Variants in ANKRD10 observed in about 807,000 individuals in gnomAD.
ANKRD10 encodes the protein ankyrin repeat domain-containing protein 10.
A neutral mutation model predicts 27.0 loss-of-function variants in ANKRD10; 14 were observed. The observed-to-expected ratio is 0.52, with a 90% confidence interval of 0.34 to 0.81. The LOEUF (loss-of-function observed/expected upper bound fraction) is 0.81. Ranked by LOEUF, ANKRD10 falls within the 40% of genes least tolerant of loss-of-function variation. The probability of loss-of-function intolerance (pLI) is 0.01; values close to 1 mark genes in which losing one functional copy is unlikely to be tolerated. For missense variants in ANKRD10, 493 were observed against 544.0 expected (o/e 0.91, Z 0.93); for synonymous variants, 250 against 224.5 (o/e 1.11, Z -1.01).
intron 3 of ANKRD10, chr13:110,894,026 A>T: frequency 9.9e-7 from 1 of 1,011,826 alleles, no homozygotes; most frequent in Non-Finnish European, 1.5e-6. Context: ...CCTCTACAGT[A>T]GCTAAAACTC....
Position 110,888,171 on chromosome 13 carries a change from C to A in ANKRD10, c.692-4378G>T, listed in dbSNP as rs527563751. Among the ~76,000 whole-genome samples the A allele has an allele frequency of 6.6e-5, 10 of 150,682 alleles. No individual in the cohort carries two copies. The South Asian group carries it at 1.3e-3, about 19-fold the overall frequency. On this transcript the variant is annotated intron_variant, in intron 4 of 5. Transcript: ENST00000267339. ...AGGGAACTGAGTGCTCTGGAAAGAC[C>A]GGGGGGGACTGGGGGTTTGGCTCAA...
chr13:110,902,069 AAAG>A (rs1353114374), intron 3 of ANKRD10, among the ~76,000 whole-genome samples: 1 of 142,582 alleles, frequency 7.0e-6, no homozygotes, highest in Non-Finnish European at 1.5e-5. Context: ...AAAAAAAAAA[AAAG>A]AGGAGGCAAA....
chr13:110,914,649 C>A, intron 1 of ANKRD10, 76 bp downstream of exon 1: 1 of 1,480,184 alleles, frequency 6.8e-7, no homozygotes, highest in Non-Finnish European at 9.0e-7. Flanking sequence ...CCCACGTCCC[C>A]CGCACCTCAG....
chr13:110,891,977 T>C (rs12877910), intron 4 of ANKRD10, among the ~76,000 whole-genome samples: 1 of 149,050 alleles, frequency 6.7e-6, no homozygotes, highest in South Asian at 2.1e-4. Flanking sequence ...CCTCCCAAAG[T>C]GCTGGGATTA....
intron 1 of ANKRD10, among the ~76,000 whole-genome samples, chr13:110,913,431 T>G (rs1465667424): frequency 6.6e-6 from 1 of 152,242 alleles, no homozygotes; most frequent in Non-Finnish European, 1.5e-5. Context: ...CAGCAGGTAC[T>G]ACGGTTGCAC....
intron 4 of ANKRD10, among the ~76,000 whole-genome samples, chr13:110,891,661 C>T (rs1160917538): frequency 6.6e-6 from 1 of 152,046 alleles, no homozygotes. Context: ...ACCAAAATCT[C>T]TAGATTTTTA....
intron 2 of ANKRD10, among the ~76,000 whole-genome samples, chr13:110,907,358 G>A (rs1387994029): frequency 1.3e-5 from 2 of 152,164 alleles, no homozygotes; most frequent in Non-Finnish European, 2.9e-5. Flanking sequence ...GCTGAACTGC[G>A]CAGACTACCA....
intron 3 of ANKRD10, chr13:110,900,889 T>C (rs545918147): frequency 7.3e-5 from 21 of 286,906 alleles, no homozygotes; most frequent in African/African-American, 4.1e-4. Flanking sequence ...TGTGACCACC[T>C]TGACCATGAG....
chr13:110,908,497 T>C (rs1409703848), intron 2 of ANKRD10, among the ~76,000 whole-genome samples: 4 of 152,296 alleles, frequency 2.6e-5, no homozygotes, highest in East Asian at 1.9e-4. Context: ...GAACTGTTAG[T>C]AGCTAACATG....
intron 3 of ANKRD10, among the ~76,000 whole-genome samples, chr13:110,895,527 C>T (rs946967527): frequency 5.3e-5 from 8 of 151,904 alleles, no homozygotes; most frequent in Non-Finnish European, 1.0e-4. Flanking sequence ...GCAGAGGCTG[C>T]AGTGAGCCGA....
intron 4 of ANKRD10, among the ~76,000 whole-genome samples, chr13:110,890,884 C>G (rs2065056449): frequency 6.6e-6 from 1 of 152,136 alleles, no homozygotes; most frequent in Non-Finnish European, 1.5e-5. Flanking sequence ...GAAAATAAAA[C>G]CCCCAAAGTC....
At chr13:110,914,524 G>A (rs1309121300) in intron 1 of ANKRD10, 11 of 625,108 alleles carry the variant, frequency 1.8e-5, no homozygotes, top group East Asian at 3.9e-5. Context: ...TCCGCCCCGC[G>A]CCCCCCGGCT....
chr13:110,901,921 T>C (rs1226975641), intron 3 of ANKRD10, among the ~76,000 whole-genome samples: 4 of 152,088 alleles, frequency 2.6e-5, no homozygotes, highest in Admixed American at 2.6e-4. Flanking sequence ...TATGTGCCTA[T>C]AGTCCTGGCT....
chr13:110,895,755 T>C (rs2065210095), intron 3 of ANKRD10, among the ~76,000 whole-genome samples: 1 of 152,200 alleles, frequency 6.6e-6, no homozygotes, highest in Admixed American at 6.5e-5. Flanking sequence ...AGTTTACTGA[T>C]CTTCCAAAGA....
intron 3 of ANKRD10, chr13:110,904,420 A>G (rs755727392): frequency 6.6e-6 from 1 of 152,222 alleles, no homozygotes; most frequent in African/African-American, 2.4e-5. Context: ...GGACATCGTG[A>G]TATTTATTGG....
chr13:110,913,311 T>C (rs1461501653), intron 1 of ANKRD10, among the ~76,000 whole-genome samples: 1 of 152,204 alleles, frequency 6.6e-6, no homozygotes, highest in African/African-American at 2.4e-5. Context: ...ATCCTCAGAT[T>C]ACTGACTGCC....
At chr13:110,880,545 G>C (rs1390615791) in intron 5 of ANKRD10, among the ~76,000 whole-genome samples, 1 of 152,126 alleles carries the variant, frequency 6.6e-6, no homozygotes, top group Non-Finnish European at 1.5e-5. Flanking sequence ...AACTTCTCTA[G>C]TTCTCAAGCG....
At chr13:110,884,511 G>A (rs1285120576) in intron 4 of ANKRD10, among the ~76,000 whole-genome samples, 1 of 152,150 alleles carries the variant, frequency 6.6e-6, no homozygotes, top group African/African-American at 2.4e-5. Context: ...ACGGCTTCTC[G>A]TGTTTAAGAA....
chr13:110,902,806 T>C (rs2065421811), intron 3 of ANKRD10, among the ~76,000 whole-genome samples: 3 of 152,224 alleles, frequency 2.0e-5, no homozygotes, highest in African/African-American at 7.2e-5. Flanking sequence ...CAAGTCATGC[T>C]GGTTTCATTC....
Sources: allele counts gnomAD v4.1 joint callset (sites outside exome capture counted in the v4.1 genomes callset), GRCh38; gene constraint gnomAD v4.1.1; transcripts MANE v1.5; gene names NCBI Gene and HGNC (gene_info 2026-07-23, HGNC 2026-07-21).